The following EPM2AIP1 variants were observed in gnomAD, a reference collection of about 807,000 sequenced individuals.
EPM2AIP1 encodes EPM2A interacting protein 1, also known as EPM2A-interacting protein 1.
In EPM2AIP1, 23 loss-of-function variants were observed where a neutral mutation model predicts 44.8. The observed-to-expected ratio is 0.51, with a 90% CI of 0.37 to 0.73. The LOEUF (loss-of-function observed/expected upper bound fraction) is 0.73. Among genes scored for constraint, EPM2AIP1 ranks in the 30% least tolerant of loss-of-function variants. EPM2AIP1 has a pLI of 0.00. For missense variants in EPM2AIP1, 652 were observed against 743.9 expected, an observed-to-expected ratio of 0.88 and a Z score of 1.44; for synonymous variants, 311 against 284.3, an observed-to-expected ratio of 1.09 and a Z score of -0.94.
chr3:36,990,947 C>T lies in EPM2AIP1; in HGVS notation c.*307G>A. The T allele has an allele frequency of 9.7e-7, 1 of 1,035,836 alleles. No individual in the cohort carries two copies. Among genetic ancestry groups the T allele is most frequent in the Non-Finnish European group, 1.2e-6 (1 of 862,188 alleles). 64.2% of individuals were successfully genotyped at this position (1,035,836 alleles called of 1,614,324 possible). On this transcript the variant is annotated 3_prime_UTR_variant, in exon 1 of 1. Transcript: ENST00000322716. ...TTTTTGGCATTTATCTTCAGAACAC[C>T]TAAAAAACAGACTGCAAATTCAACT...
Position 36,992,766 on chromosome 3 carries a change from G to A in EPM2AIP1, c.312C>T (p.Leu104=), listed in dbSNP as rs909011009. 5 of 1,613,792 alleles carry A rather than the reference G, an allele frequency of 3.1e-6. No homozygotes were observed. In the South Asian group the frequency reaches 5.5e-5, roughly 18 times the overall value. ...GACCCTTCAAGGCCAAGAGGCGGCAGAGCCCGAGGCCTGCACGAGCAGCTC... is the reference window on the plus strand; with the variant it reads ...GACCCTTCAAGGCCAAGAGGCGGCAAAGCCCGAGGCCTGCACGAGCAGCTC... The part of the protein sequence containing the change: ...EERAARAGLG[L]CRLLALKGRG... The change falls in exon 1 of 1, where the codon CTC becomes CTT. Residue 104 remains leucine (L), a synonymous_variant. Transcript: ENST00000322716. This position sits in a 1 kb window ranked among gnomAD's most constrained non-coding sequence, Gnocchi z 5.3.
rs1471600549 is a variant in EPM2AIP1, at chr3:36,986,602, A to T, written c.*4652T>A. The T allele has an allele frequency of 1.3e-5, 2 of 151,830 alleles. No individual in the cohort carries two copies. Among genetic ancestry groups the T allele is most frequent in the African/African-American group, 4.8e-5 (2 of 41,282 alleles). 9.4% of individuals were successfully genotyped at this position (151,830 alleles called of 1,614,324 possible). ...TCGAGACTAGCCTGGGGAATACAGCAAGACCCTGTCTCCACATAAAAATAC... is the reference window on the plus strand; with the variant it reads ...TCGAGACTAGCCTGGGGAATACAGCTAGACCCTGTCTCCACATAAAAATAC... On this transcript the variant is annotated 3_prime_UTR_variant, in exon 1 of 1. Transcript: ENST00000322716.
rs1158700949 is a variant in EPM2AIP1, at chr3:36,992,906, A to T, written c.172T>A (p.Tyr58Asn). The change falls in exon 1 of 1, where the codon TAC becomes AAC. Residue 58 changes from tyrosine to asparagine, a missense_variant. Transcript: ENST00000322716. The surrounding 1 kb of genome is among the most constrained non-coding windows in gnomAD (Gnocchi z 5.3). Reference protein sequence around the residue: ...ATRERDVRRHYEAEHEYYERY... With the variant: ...ATRERDVRRHNEAEHEYYERY... ...TCGTAGTATTCGTGCTCAGCCTCGT[A>T]GTGGCGCCTGACGTCGCGTTCGCGG... 1 of 1,612,204 alleles carries T rather than the reference A, an allele frequency of 6.2e-7. No individual in the cohort carries two copies. The highest frequency in any genetic ancestry group is 8.5e-7 in the Non-Finnish European group (1 of 1,179,880).
rs534542935 is a variant in EPM2AIP1, at chr3:36,991,258, G to A, written c.1820C>T (p.Pro607Leu). 6.2e-7 allele frequency: 1 copy of A among 1,600,370 alleles called. No homozygotes were observed. The highest frequency in any genetic ancestry group is 2.2e-5 in the East Asian group (1 of 44,652). Residue 607 changes from proline (P) to leucine (L), a missense_variant, in exon 1 of 1, where the codon CCA becomes CTA. Transcript: ENST00000322716. ...DLVRERNESN[P>L] is the part of the protein sequence containing the mutation. ...TCAATCTTGTACTACAAAGCCTTAT[G>A]GATTAGATTCATTTCTTTCTCTCAC...
In EPM2AIP1 at chr3:36,988,627, G is replaced by A. The variant is rs1034858241; in HGVS notation, c.*2627C>T. 6.6e-6 allele frequency: 1 copy of A among 152,128 alleles called. No homozygotes were observed. The highest frequency in any genetic ancestry group is 1.5e-5 in the Non-Finnish European group (1 of 68,030). 9.4% of individuals were successfully genotyped at this position (152,128 alleles called of 1,614,324 possible). Reference sequence around the variant, plus strand: ...GAAGAACAGATATTGAAGGGAAGAGGTGCCTGCAAAGACTAAGAAAGCACA... The same window carrying A: ...GAAGAACAGATATTGAAGGGAAGAGATGCCTGCAAAGACTAAGAAAGCACA... On this transcript the variant is annotated 3_prime_UTR_variant, in exon 1 of 1. Transcript: ENST00000322716.
chr3:36,992,689 C>T lies in EPM2AIP1; in HGVS notation c.389G>A (p.Arg130Lys). 6.2e-7 allele frequency: 1 copy of T among 1,614,006 alleles called. No individual in the cohort carries two copies. Among genetic ancestry groups the T allele is most frequent in the Middle Eastern group, 1.6e-4 (1 of 6,062 alleles). Residue 130 changes from arginine to lysine, a missense_variant, in exon 1 of 1, where the codon AGA becomes AAA. Transcript: ENST00000322716. The surrounding 1 kb of genome is among the most constrained non-coding windows in gnomAD (Gnocchi z 5.3). ...GCTTACATGCTCGGGCAGTACCTCT[C>T]TCAGCAACACCTCCATGCACTGGTA... ...FVYQCMEVLL[R>K]EVLPEHVSVL... is the part of the protein sequence containing the mutation.
rs2080770614 is a variant in EPM2AIP1 at position 36,986,584 on chromosome 3, T to C, written c.*4670A>G. On this transcript the variant is annotated 3_prime_UTR_variant, in exon 1 of 1. Transcript: ENST00000322716. Reference sequence around the variant, plus strand: ...CTGCTTGAGTCCAGGAATTCGAGACTAGCCTGGGGAATACAGCAAGACCCT... The same window carrying C: ...CTGCTTGAGTCCAGGAATTCGAGACCAGCCTGGGGAATACAGCAAGACCCT... 2 of 151,842 alleles carry C rather than the reference T, an allele frequency of 1.3e-5. No individual in the cohort carries two copies. Among genetic ancestry groups the C allele is most frequent in the South Asian group, 2.1e-4 (1 of 4,822 alleles). The allele number at this position is 151,842 out of a possible 1,614,324, so 9.4% of individuals were successfully genotyped here.
Position 36,990,378 on chromosome 3 carries a change from C to T in EPM2AIP1, c.*876G>A, listed in dbSNP as rs1415174646. 1 of 981,356 alleles carries T rather than the reference C, an allele frequency of 1.0e-6. No homozygotes were observed. Among genetic ancestry groups the T allele is most frequent in the African/African-American group, 1.8e-5 (1 of 56,908 alleles). The allele number at this position is 981,356 out of a possible 1,614,324, so 60.8% of individuals were successfully genotyped here. A position where few individuals can be genotyped will look rare whatever the true frequency, so the allele number is the denominator to read the frequency against. ...AAAAAAGCTAAAATATCTCACACCTCCTAATCCTGGAGTGCAATCTTTTTT... is the reference window on the plus strand; with the variant it reads ...AAAAAAGCTAAAATATCTCACACCTTCTAATCCTGGAGTGCAATCTTTTTT... On this transcript the variant is annotated 3_prime_UTR_variant, in exon 1 of 1. Transcript: ENST00000322716.
At position 36,990,783 on chromosome 3, in the gene EPM2AIP1, T is replaced by C. The variant is rs978059611; in HGVS notation, c.*471A>G. On this transcript the variant is annotated 3_prime_UTR_variant, in exon 1 of 1. Transcript: ENST00000322716. ...GTTAGACAAAACACCTCCACTGTTATGTATGGGCTTCCTTTTTGGAAACTT... is the reference window on the plus strand; with the variant it reads ...GTTAGACAAAACACCTCCACTGTTACGTATGGGCTTCCTTTTTGGAAACTT... 1.8e-5 allele frequency: 18 copies of C among 986,008 alleles called. No homozygotes were observed. In the Admixed American group the frequency reaches 7.3e-4, roughly 40 times the overall value. The allele number at this position is 986,008 out of a possible 1,614,324, so 61.1% of individuals were successfully genotyped here. A position where few individuals can be genotyped will look rare whatever the true frequency, so the allele number is the denominator to read the frequency against.
chr3:36,989,733 GC>G lies in EPM2AIP1; in HGVS notation c.*1520del, dbSNP rs1312143627. ...TCTTTAGGCTTAAATGCCAACAGAA[GC>G]CCCTAGTAAATATGACAACCAAAAA... is the stretch of plus-strand genomic sequence containing the variant. On this transcript the variant is annotated 3_prime_UTR_variant, in exon 1 of 1. Transcript: ENST00000322716. 1 of 151,952 alleles carries G rather than the reference GC, an allele frequency of 6.6e-6. No homozygotes were observed. Among genetic ancestry groups the G allele is most frequent in the Non-Finnish European group, 1.5e-5 (1 of 67,998 alleles). The allele number at this position is 151,952 out of a possible 1,614,324, so 9.4% of individuals were successfully genotyped here.
Position 36,993,009 on chromosome 3 carries a change from G to T in EPM2AIP1, c.69C>A (p.Thr23=). Residue 23 remains threonine, a synonymous_variant, in exon 1 of 1, where the codon ACC becomes ACA. Transcript: ENST00000322716. ...GAGGCTCCACCACCAAATAACGCTG[G>T]GTCCACTCGGGCCGGAAAACTAGAG... The part of the protein sequence containing the change: ...DEALVFRPEW[T]QRYLVVEPPE... 6.2e-7 allele frequency: 1 copy of T among 1,612,708 alleles called. No homozygotes were observed. The highest frequency in any genetic ancestry group is 8.5e-7 in the Non-Finnish European group (1 of 1,179,592).
Position 36,992,646 on chromosome 3 carries a change from G to A in EPM2AIP1, c.432C>T (p.Asp144=), listed in dbSNP as rs754310556. The part of the protein sequence containing the change: ...PEHVSVLQGV[D]LSPDITRQRI... ...TCTGCCTTGTGATATCTGGAGATAA[G>A]TCAACGCCTTGCAGGACGCTTACAT... is the stretch of plus-strand genomic sequence containing the variant. Residue 144 remains aspartate, a synonymous_variant, in exon 1 of 1, where the codon GAC becomes GAT. Transcript: ENST00000322716. This position sits in a 1 kb window ranked among gnomAD's most constrained non-coding sequence, Gnocchi z 5.3. 9 of 1,613,908 alleles carry A rather than the reference G, an allele frequency of 5.6e-6. No homozygotes were observed. Among genetic ancestry groups the A allele is most frequent in the African/African-American group, 2.7e-5 (2 of 74,918 alleles).
chr3:36,993,102 G>A lies in EPM2AIP1; in HGVS notation c.-25C>T, dbSNP rs573758711. ...TTCTGCGGGAGGCCACAAGAGCAGGGCCAACGTTAGAAAGGCCGCAAGGGG... is the reference window on the plus strand; with the variant it reads ...TTCTGCGGGAGGCCACAAGAGCAGGACCAACGTTAGAAAGGCCGCAAGGGG... On this transcript the variant is annotated 5_prime_UTR_variant, in exon 1 of 1. Transcript: ENST00000322716. 2.9e-4 allele frequency: 451 copies of A among 1,575,660 alleles called. 4 individuals carry two copies. In the South Asian group the frequency reaches 4.9e-3, roughly 17 times the overall value.
At position 36,993,060 on chromosome 3, in the gene EPM2AIP1, T is replaced by C. The variant is rs1365825856; in HGVS notation, c.18A>G (p.Lys6=). 6.2e-7 allele frequency: 1 copy of C among 1,606,392 alleles called. No homozygotes were observed. Among genetic ancestry groups the C allele is most frequent in the East Asian group, 2.2e-5 (1 of 44,756 alleles). The stretch of plus-strand genomic sequence containing the variant: ...CCTCGTCGACTTCCATCTTGCTTCT[T>C]TTGGGCGTCATCCACATTCTGCGGG... MWMTP[K]RSKMEVDEAL... Residue 6 remains lysine (K), a synonymous_variant, in exon 1 of 1, where the codon AAA becomes AAG. Transcript: ENST00000322716.
At position 36,990,518 on chromosome 3, in the gene EPM2AIP1, G is replaced by C. The variant is rs1351620177; in HGVS notation, c.*736C>G. The C allele has an allele frequency of 5.1e-6, 5 of 983,464 alleles. No individual in the cohort carries two copies. The African/African-American group carries it at 8.8e-5, about 17-fold the overall frequency. 60.9% of individuals were successfully genotyped at this position (983,464 alleles called of 1,614,324 possible). A position where few individuals can be genotyped will look rare whatever the true frequency, so the allele number is the denominator to read the frequency against. On this transcript the variant is annotated 3_prime_UTR_variant, in exon 1 of 1. Coordinates refer to ENST00000322716, the MANE Select transcript of EPM2AIP1 (RefSeq NM_014805.4). ...CTTACCATAGTCCTTTAATAGGCAA[G>C]CTGATAAAATAGCCCCCAGTTATTA...
Position 36,991,325 on chromosome 3 carries a change from G to A in EPM2AIP1, c.1753C>T (p.Arg585Trp), listed in dbSNP as rs750898931. The A allele has an allele frequency of 1.2e-6, 2 of 1,613,814 alleles. No homozygotes were observed. The highest frequency in any genetic ancestry group is 1.3e-5 in the African/African-American group (1 of 74,910). The change falls in exon 1 of 1, where the codon CGG becomes TGG. Residue 585 changes from arginine to tryptophan, a missense_variant. Coordinates refer to ENST00000322716, the MANE Select transcript of EPM2AIP1 (RefSeq NM_014805.4). ...GGCTCCATTTCAGTTGTGGCAACCC[G>A]AAACAGGGCTTGGAGATGCTCATCT... ...LTDEHLQALF[R>W]VATTEMEPGW... is the part of the protein sequence containing the mutation.
At position 36,991,220 on chromosome 3, in the gene EPM2AIP1, C is replaced by A. The variant is rs780852020; in HGVS notation, c.*34G>T. 2.7e-5 allele frequency: 41 copies of A among 1,510,082 alleles called. 1 individual carries two copies. Among genetic ancestry groups the A allele is most frequent in the South Asian group, 9.5e-5 (7 of 73,702 alleles). 93.5% of individuals were successfully genotyped at this position (1,510,082 alleles called of 1,614,324 possible). A position where few individuals can be genotyped will look rare whatever the true frequency, so the allele number is the denominator to read the frequency against. On this transcript the variant is annotated 3_prime_UTR_variant, in exon 1 of 1. Coordinates refer to ENST00000322716, the MANE Select transcript of EPM2AIP1 (RefSeq NM_014805.4). Reference sequence around the variant, plus strand: ...CAATTTTTGCTTTTAGAATTAAATTCTTGTTGAGTTTTTCAATCTTGTACT... The same window carrying A: ...CAATTTTTGCTTTTAGAATTAAATTATTGTTGAGTTTTTCAATCTTGTACT...
At position 36,987,343 on chromosome 3, in the gene EPM2AIP1, T is replaced by C. The variant is rs895556338; in HGVS notation, c.*3911A>G. 6 of 152,234 alleles carry C rather than the reference T, an allele frequency of 3.9e-5. No homozygotes were observed. The highest frequency in any genetic ancestry group is 4.8e-5 in the African/African-American group (2 of 41,332). The allele number at this position is 152,234 out of a possible 1,614,324, so 9.4% of individuals were successfully genotyped here. ...GGCATTATCTTTTTCCAATACTAAATGTAACATTTAGTAAAAACATATTGT... is the reference window on the plus strand; with the variant it reads ...GGCATTATCTTTTTCCAATACTAAACGTAACATTTAGTAAAAACATATTGT... On this transcript the variant is annotated 3_prime_UTR_variant, in exon 1 of 1. Transcript: ENST00000322716.
In EPM2AIP1 at chr3:36,987,519, A is replaced by C. The variant is rs765151467; in HGVS notation, c.*3735T>G. ...TTCTATACATGGATATGCAAACTTA[A>C]TATTACATAGTGGATTTGGTGTGTA... is the stretch of plus-strand genomic sequence containing the variant. On this transcript the variant is annotated 3_prime_UTR_variant, in exon 1 of 1. Transcript: ENST00000322716. The C allele has an allele frequency of 1.1e-4, 17 of 151,754 alleles. No individual in the cohort carries two copies. Among genetic ancestry groups the C allele is most frequent in the Non-Finnish European group, 1.5e-5 (1 of 67,898 alleles). The allele number at this position is 151,754 out of a possible 1,614,324, so 9.4% of individuals were successfully genotyped here.
Sources: gnomAD v4.1 joint callset for allele counts on GRCh38, gnomAD v4.1.1 for gene constraint, Gnocchi (gnomAD v3.1) non-coding constraint, MANE v1.5 for transcripts, NCBI Gene and HGNC (gene_info 2026-07-23, HGNC 2026-07-21) for gene names.